Variants in FRMPD2 observed in about 807,000 individuals in gnomAD.
FRMPD2 encodes the protein FERM and PDZ domain-containing protein 2.
A neutral mutation model predicts 140.1 loss-of-function variants in FRMPD2; 96 were observed. The observed-to-expected ratio is 0.69, with a 90% CI of 0.58 to 0.81. The LOEUF (loss-of-function observed/expected upper bound fraction) is 0.81. Among genes scored for constraint, FRMPD2 ranks in the 40% least tolerant of loss-of-function variants. The pLI, the probability that FRMPD2 is intolerant of heterozygous loss-of-function variation, is 0.00. For synonymous variants in FRMPD2, 449 were observed against 547.6 expected, an observed-to-expected ratio of 0.82 and a Z score of 2.52; for missense variants, 1,240 against 1,447.4, an observed-to-expected ratio of 0.86 and a Z score of 2.32.
rs1231738060 is a variant in FRMPD2 at position 48,222,444 on chromosome 10, G to C, written c.1324C>G (p.Leu442Val). ...TGCAGGTAAAACTGGTGCCTTGTCA[G>C]GCTGTGCCTGGAAAAGAAGTAGCAA... ...VSHYGLLQHS[L>V]TRHQFYLQLR... The change falls in exon 12 of 29, where the codon CTG (leucine) becomes GTG (valine). Residue 442 changes from leucine (L) to valine (V), a missense_variant. Physicochemically the swap from Leu to Val is conservative, Grantham distance 32. Coordinates refer to ENST00000374201, the MANE Select transcript of FRMPD2 (RefSeq NM_001018071.4). 3.1e-6 allele frequency: 5 copies of C among 1,613,826 alleles called. No individual in the cohort carries two copies. In the East Asian group the frequency reaches 1.1e-4, roughly 36 times the overall value.
In FRMPD2 at chr10:48,223,157, T is replaced by C; in HGVS notation, c.1282A>G (p.Ile428Val). ...SMNTFTLFLRIKFFVSHYGLL... is the reference protein window; with the variant it reads ...SMNTFTLFLRVKFFVSHYGLL... ...CCATAGTGGCTGACAAAGAACTTTA[T>C]CCTCAGGAAGAGTGTGAAGGTATTC... Residue 428 changes from isoleucine to valine, a missense_variant, in exon 11 of 29, where the codon ATA becomes GTA. Ile to Val is a conservative substitution (Grantham distance 29). Coordinates refer to ENST00000374201, the MANE Select transcript of FRMPD2 (RefSeq NM_001018071.4). 1 of 1,614,080 alleles carries C rather than the reference T, an allele frequency of 6.2e-7. No homozygotes were observed. Among genetic ancestry groups the C allele is most frequent in the Non-Finnish European group, 8.5e-7 (1 of 1,179,916 alleles).
At chr10:48,196,829 G>A (rs932650532) in intron 15 of FRMPD2, among the ~76,000 whole-genome samples, 2 of 152,182 alleles carry the variant, frequency 1.3e-5, no homozygotes, top group South Asian at 2.1e-4. Flanking sequence ...AAACTCCTAA[G>A]ACAGTAGAAT....
chr10:48,181,164 T>C (rs1838534994), intron 20 of FRMPD2, among the ~76,000 whole-genome samples, 156 bp from the exon 21 acceptor site: 2 of 151,218 alleles, frequency 1.3e-5, no homozygotes, highest in Admixed American at 1.3e-4. Context: ...AGATGTTACA[T>C]TTAGATTAGA....
chr10:48,172,697 A>G (rs1244485119), intron 25 of FRMPD2, among the ~76,000 whole-genome samples: 1 of 152,114 alleles, frequency 6.6e-6, no homozygotes, highest in African/African-American at 2.4e-5. Context: ...AGCTGATCAA[A>G]GGACTGAGGA....
At chr10:48,220,064 G>A (rs887072847) in intron 12 of FRMPD2, among the ~76,000 whole-genome samples, 2 of 152,094 alleles carry the variant, frequency 1.3e-5, no homozygotes, top group African/African-American at 2.4e-5. Flanking sequence ...AACATAAATC[G>A]ACAATGTCTG....
intron 21 of FRMPD2, 107 bp from the exon 22 acceptor site, chr10:48,178,258 G>A (rs1163527222): frequency 1.2e-6 from 1 of 809,754 alleles, no homozygotes; most frequent in African/African-American, 1.7e-5. Flanking sequence ...GAAAGATCAT[G>A]AGCTTTGGAT....
chr10:48,201,201 T>C (rs1839076506), intron 15 of FRMPD2, 27 bp downstream of exon 15: 23 of 1,560,810 alleles, frequency 1.5e-5, no homozygotes, highest in Middle Eastern at 1.7e-4. Context: ...TGTCAAAGTG[T>C]ATATGGAGAA....
In FRMPD2 at chr10:48,232,223, G is replaced by C. The variant is rs770671846; in HGVS notation, c.1060C>G (p.Leu354Val). Residue 354 changes from leucine to valine, a missense_variant, in exon 10 of 29, where the codon CTG (leucine) becomes GTG (valine). Leu to Val is a conservative substitution (Grantham distance 32, BLOSUM62 1). Coordinates refer to ENST00000374201, the MANE Select transcript of FRMPD2 (RefSeq NM_001018071.4). ...LCVVLLNGQHLEVKCDVESTV... is the reference protein window; with the variant it reads ...LCVVLLNGQHVEVKCDVESTV... The stretch of plus-strand genomic sequence containing the variant: ...GATTCAACATCACATTTTACCTCCA[G>C]GTGCTGCCCGTTCAGCAGGACCACA... 1 of 1,614,126 alleles carries C rather than the reference G, an allele frequency of 6.2e-7. No individual in the cohort carries two copies.
chr10:48,184,627 C>G lies in FRMPD2; in HGVS notation c.2523G>C (p.Met841Ile). The part of the protein sequence containing the change: ...HISLEGFTFN[M>I]AVRMIQNSPD... ...GGGAATTCTGGATCATCCTAACAGC[C>G]ATGTTGAATGTGAAGCCCTCCAGAC... Residue 841 changes from methionine (M) to isoleucine (I), a missense_variant, in exon 20 of 29, where the codon ATG becomes ATC. By Grantham distance (10) the Met-to-Ile change is conservative. Transcript: ENST00000374201. 1 of 1,613,768 alleles carries G rather than the reference C, an allele frequency of 6.2e-7. No individual in the cohort carries two copies. Among genetic ancestry groups the G allele is most frequent in the South Asian group, 1.1e-5 (1 of 91,062 alleles).
At chr10:48,244,957 C>A (rs74492118) in intron 3 of FRMPD2, 108 bp from the exon 4 acceptor site, 7 of 854,002 alleles carry the variant, frequency 8.2e-6, no homozygotes, top group Admixed American at 1.9e-5. Flanking sequence ...TGTTGTCTGG[C>A]GAGTCTAGCA....
rs762108040 is a variant in FRMPD2, at chr10:48,212,116, G to T, written c.1456-7C>A. The stretch of plus-strand genomic sequence containing the variant: ...ATGGCTTACTCTCCACCTGCTGGAA[G>T]TAAGATGTAGAAGGGAAGGGCACAA... On this transcript the variant is annotated splice_polypyrimidine_tract_variant and splice_region_variant and intron_variant, in intron 12 of 28. Transcript: ENST00000374201. 94 of 1,613,636 alleles carry T rather than the reference G, an allele frequency of 5.8e-5. 2 individuals carry two copies. In the South Asian group the frequency reaches 8.8e-4, roughly 15 times the overall value.
chr10:48,201,304 G>A lies in FRMPD2; in HGVS notation c.1878C>T (p.Tyr626=). 6.2e-7 allele frequency: 1 copy of A among 1,613,098 alleles called. No homozygotes were observed. Among genetic ancestry groups the A allele is most frequent in the Non-Finnish European group, 8.5e-7 (1 of 1,179,062 alleles). Residue 626 remains tyrosine, a synonymous_variant, in exon 15 of 29, where the codon TAC becomes TAT. Coordinates refer to ENST00000374201, the MANE Select transcript of FRMPD2 (RefSeq NM_001018071.4). ...GCTGGGCTGAGCAGAGGTCCAGTAAGTATTTACTGGTCTTGGCTGAATCTG... is the reference window on the plus strand; with the variant it reads ...GCTGGGCTGAGCAGAGGTCCAGTAAATATTTACTGGTCTTGGCTGAATCTG... ...FVTDSAKTSK[Y]LLDLCSAQHG... is the part of the protein sequence containing the mutation.
intron 27 of FRMPD2, among the ~76,000 whole-genome samples, chr10:48,164,127 G>C (rs1220539963): frequency 1.3e-5 from 2 of 150,336 alleles, no homozygotes; most frequent in Non-Finnish European, 1.5e-5. Context: ...CGTCTCAACT[G>C]CTCACCTCCC....
chr10:48,208,664 A>G lies in FRMPD2; in HGVS notation c.1612-1731T>C, dbSNP rs548221698. ...AATGACATCTTCAATCTGTAAAACAATAAAATAATGATGTCTACCTCCATT... is the reference window on the plus strand; with the variant it reads ...AATGACATCTTCAATCTGTAAAACAGTAAAATAATGATGTCTACCTCCATT... On this transcript the variant is annotated intron_variant, in intron 13 of 28. Coordinates refer to ENST00000374201, the MANE Select transcript of FRMPD2 (RefSeq NM_001018071.4). Among the ~76,000 whole-genome samples the G allele has an allele frequency of 2.0e-5, 3 of 152,364 alleles. No homozygotes were observed. The East Asian group carries it at 5.8e-4, about 29-fold the overall frequency.
intron 24 of FRMPD2, among the ~76,000 whole-genome samples, chr10:48,173,766 AT>A (rs1389917994): frequency 1.3e-5 from 2 of 151,842 alleles, no homozygotes; most frequent in Non-Finnish European, 2.9e-5. Context: ...GATTTCCCAC[AT>A]TTCTCCCCAC....
At chr10:48,254,668 G>A (rs1419509740) in intron 1 of FRMPD2, among the ~76,000 whole-genome samples, 7 of 152,236 alleles carry the variant, frequency 4.6e-5, no homozygotes, top group African/African-American at 1.7e-4. Context: ...TGTTCAGAGT[G>A]CTTTATGTGC....
intron 15 of FRMPD2, among the ~76,000 whole-genome samples, chr10:48,198,141 C>T (rs1838995479): frequency 6.6e-6 from 1 of 152,158 alleles, no homozygotes; most frequent in Non-Finnish European, 1.5e-5. Context: ...TAGTCTTACT[C>T]TTAGTTATAA....
rs558574327 is a variant in FRMPD2 at position 48,164,715 on chromosome 10, A to C, written c.3538-1044T>G. Among the ~76,000 whole-genome samples the C allele has an allele frequency of 8.0e-5, 12 of 150,046 alleles. 1 individual carries two copies. The highest frequency in any genetic ancestry group is 3.0e-4 in the African/African-American group (12 of 40,158). On this transcript the variant is annotated intron_variant, in intron 27 of 28. Coordinates refer to ENST00000374201, the MANE Select transcript of FRMPD2 (RefSeq NM_001018071.4). ...TACACCAAAAATCAAAATTTTAAGAAGACCATATTTTGTCACATTTTCATA... is the reference window on the plus strand; with the variant it reads ...TACACCAAAAATCAAAATTTTAAGACGACCATATTTTGTCACATTTTCATA...
At chr10:48,264,348 G>A (rs980214578) in intron 1 of FRMPD2, among the ~76,000 whole-genome samples, 3 of 152,016 alleles carry the variant, frequency 2.0e-5, no homozygotes, top group Admixed American at 6.6e-5. Context: ...TCTCTGTTCC[G>A]AGATGATATG....
Sources: allele counts gnomAD v4.1 joint callset (sites outside exome capture counted in the v4.1 genomes callset), GRCh38; gene constraint gnomAD v4.1.1; transcripts MANE v1.5; gene names NCBI Gene and HGNC (gene_info 2026-07-23, HGNC 2026-07-21).